NFIA: variants seen among roughly 807,000 people sequenced by gnomAD.
NFIA encodes the protein nuclear factor I A, also known as nuclear factor 1 A-type.
NFIA carries 8 observed loss-of-function variants against 62.8 expected under a neutral mutation model. The ratio of observed to expected loss-of-function variants is 0.13; its 90% CI spans 0.07 to 0.23. The LOEUF (loss-of-function observed/expected upper bound fraction) is 0.23. NFIA is among the 10% of genes least tolerant of loss of function. NFIA has a pLI of 1.00. For synonymous variants in NFIA, 235 were observed against 238.1 expected (o/e 0.99, Z 0.12); for missense variants, 410 against 642.1 (o/e 0.64, Z 3.91).
At chr1:61,409,167 G>T (rs1665984839) in intron 9 of NFIA, among the ~76,000 whole-genome samples, 1 of 152,074 alleles carries the variant, frequency 6.6e-6, no homozygotes, top group African/African-American at 2.4e-5. Context: ...GTGGGGTGGG[G>T]GTGAGAGAAT....
chr1:61,299,842 A>G (rs1274834566), intron 3 of NFIA, among the ~76,000 whole-genome samples: 2 of 152,192 alleles, frequency 1.3e-5, no homozygotes, highest in Admixed American at 1.3e-4. Flanking sequence ...AAAGAAAGTA[A>G]CAAACAGGCC....
intron 7 of NFIA, among the ~76,000 whole-genome samples, chr1:61,387,485 T>TGTTTTTTG (rs1557749455): frequency 6.8e-6 from 1 of 147,436 alleles, no homozygotes; most frequent in African/African-American, 2.5e-5. Context: ...TTTTTTTTTT[T>TGTTTTTTG]TTTTTTGAGA....
chr1:61,452,798 A>T (rs1312227868), intron 10 of NFIA, among the ~76,000 whole-genome samples: 3 of 152,242 alleles, frequency 2.0e-5, no homozygotes, highest in Admixed American at 2.0e-4. Flanking sequence ...GTGTGTGGTT[A>T]GCATTTAAAT....
intron 2 of NFIA, among the ~76,000 whole-genome samples, chr1:61,234,367 CAAAAAAA>C (rs34304036): frequency 4.1e-5 from 3 of 73,316 alleles, no homozygotes; most frequent in Non-Finnish European, 7.8e-5. Context: ...AACGCCATCT[CAAAAAAA>C]AAAAAAAAAA....
chr1:61,262,792 T>TA (rs1228448111), intron 2 of NFIA, among the ~76,000 whole-genome samples: 1 of 152,180 alleles, frequency 6.6e-6, no homozygotes. Context: ...ATAGTCTCCT[T>TA]ATGGAATTAT....
intron 4 of NFIA, among the ~76,000 whole-genome samples, chr1:61,346,826 T>G (rs1195001601): frequency 6.6e-6 from 1 of 152,172 alleles, no homozygotes; most frequent in African/African-American, 2.4e-5. Flanking sequence ...CTCACAGTTC[T>G]ACATGGCTGG....
At chr1:61,133,008 G>T (rs1408158957) in intron 2 of NFIA, 2 of 151,868 alleles carry the variant, frequency 1.3e-5, no homozygotes, top group Non-Finnish European at 2.9e-5. Context: ...AAGGAAAAAA[G>T]AATAAACTTT....
intron 3 of NFIA, among the ~76,000 whole-genome samples, chr1:61,307,342 T>C (rs988995296): frequency 6.6e-6 from 1 of 152,144 alleles, no homozygotes; most frequent in African/African-American, 2.4e-5. Context: ...GTGGACGGTG[T>C]GATCTATGAG....
At chr1:61,396,122 A>C (rs1479430469) in intron 7 of NFIA, among the ~76,000 whole-genome samples, 1 of 152,226 alleles carries the variant, frequency 6.6e-6, no homozygotes, top group African/African-American at 2.4e-5. Flanking sequence ...ACCCACATTT[A>C]TAATATGCCA....
chr1:61,290,839 T>TC (rs138825453), intron 3 of NFIA, among the ~76,000 whole-genome samples: 5,038 of 152,282 alleles, frequency 0.033, 148 homozygotes, highest in South Asian at 0.11. Flanking sequence ...ATGCATTTTT[T>TC]CCCCTTATAT....
chr1:61,238,582 A>G (rs913613147), intron 2 of NFIA, among the ~76,000 whole-genome samples: 2 of 152,176 alleles, frequency 1.3e-5, no homozygotes, highest in African/African-American at 4.8e-5. Flanking sequence ...GAATTATCTC[A>G]GACAGACATC....
At chr1:61,160,849 T>A (rs564382678) in intron 2 of NFIA, among the ~76,000 whole-genome samples, 5 of 152,344 alleles carry the variant, frequency 3.3e-5, no homozygotes, top group African/African-American at 1.2e-4. Flanking sequence ...AATAACTTTC[T>A]AAAGTTGATC....
chr1:61,233,959 C>G (rs1557652472), intron 2 of NFIA, among the ~76,000 whole-genome samples: 1 of 152,136 alleles, frequency 6.6e-6, no homozygotes, highest in Non-Finnish European at 1.5e-5. Flanking sequence ...ATAGGTAGAT[C>G]TACAGAGAGC....
intron 7 of NFIA, among the ~76,000 whole-genome samples, chr1:61,403,204 C>G (rs1665655120): frequency 6.6e-6 from 1 of 152,206 alleles, no homozygotes; most frequent in Admixed American, 6.5e-5. Context: ...GCTATCTTGG[C>G]TTGACTTGGT....
In NFIA at chr1:61,088,610, C is replaced by T. The variant is rs766475223; in HGVS notation, c.489C>T (p.Val163=). Reference sequence around the variant, plus strand: ...AATGCTCTAATCCAGGGCTCTGTGTCCAACCCCATCACATAGGGGTTTCTG... The same window carrying T: ...AATGCTCTAATCCAGGGCTCTGTGTTCAACCCCATCACATAGGGGTTTCTG... ...SPQCSNPGLC[V]QPHHIGVSVK... is the part of the protein sequence containing the mutation. The change falls in exon 2 of 11, where the codon GTC becomes GTT. Residue 163 remains valine, a synonymous_variant. Coordinates refer to ENST00000403491, the MANE Select transcript of NFIA (RefSeq NM_001134673.4). The surrounding 1 kb of genome is among the most constrained non-coding windows in gnomAD (Gnocchi z 4.5). The T allele has an allele frequency of 9.3e-6, 15 of 1,614,162 alleles. No individual in the cohort carries two copies. The Admixed American group carries it at 2.3e-4, about 25-fold the overall frequency.
At chr1:61,196,820 C>T (rs1652030100) in intron 2 of NFIA, among the ~76,000 whole-genome samples, 1 of 151,808 alleles carries the variant, frequency 6.6e-6, no homozygotes, top group Admixed American at 6.6e-5. Flanking sequence ...TGTAAATCGA[C>T]TTCTCTGCAT....
chr1:61,204,672 C>G (rs441374), intron 2 of NFIA, among the ~76,000 whole-genome samples: 10 of 152,012 alleles, frequency 6.6e-5, no homozygotes, highest in South Asian at 2.1e-4. Flanking sequence ...CTGCCCCCCC[C>G]ACCCTTGGGT....
At chr1:61,152,718 C>T (rs1489504816) in intron 2 of NFIA, among the ~76,000 whole-genome samples, 1 of 152,068 alleles carries the variant, frequency 6.6e-6, no homozygotes, top group Non-Finnish European at 1.5e-5. Flanking sequence ...CATAGGAGTA[C>T]ACACATGCAG....
At chr1:61,427,033 A>G (rs1485157902) in intron 10 of NFIA, among the ~76,000 whole-genome samples, 1 of 152,080 alleles carries the variant, frequency 6.6e-6, no homozygotes, top group Non-Finnish European at 1.5e-5. Context: ...GAGCCCTATT[A>G]AGTTGCTGGT....
Sources: allele counts gnomAD v4.1 joint callset (sites outside exome capture counted in the v4.1 genomes callset), GRCh38; gene constraint gnomAD v4.1.1; non-coding constraint Gnocchi (gnomAD v3.1); transcripts MANE v1.5; gene names NCBI Gene and HGNC (gene_info 2026-07-23, HGNC 2026-07-21).